Variants in ZNF563 observed in about 807,000 individuals in gnomAD.
ZNF563 encodes zinc finger protein 563.
ZNF563 carries 39 observed loss-of-function variants against 48.5 expected under a neutral mutation model. The ratio of observed to expected loss-of-function variants is 0.80; its 90% CI spans 0.62 to 1.05. ZNF563 has a LOEUF of 1.05. Ranked by LOEUF, ZNF563 falls within the 50% of genes least tolerant of loss-of-function variation. The pLI, the probability that ZNF563 is intolerant of heterozygous loss-of-function variation, is 0.00. For missense variants in ZNF563, 538 were observed against 597.0 expected, an observed-to-expected ratio of 0.90 and a Z score of 1.03; for synonymous variants, 168 against 187.9, an observed-to-expected ratio of 0.89 and a Z score of 0.87.
intron 1 of ZNF563, among the ~76,000 whole-genome samples, chr19:12,325,469 C>CA (rs36079909): frequency 0.35 from 28,916 of 82,984 alleles, 3,856 homozygotes; most frequent in Middle Eastern, 0.38. Flanking sequence ...GACTCCATCT[C>CA]AAAAAAAAAA....
At position 12,319,483 on chromosome 19, in the gene ZNF563, C is replaced by G; in HGVS notation, c.542G>C (p.Arg181Pro). The part of the protein sequence containing the change: ...CKECGKTFSS[R>P]RNLRRHMVVQ... ...TACCATGTGTCTTCGAAGGTTTCTA[C>G]GAGAACTGAAGGTTTTTCCACATTC... is the stretch of plus-strand genomic sequence containing the variant. Residue 181 changes from arginine (R) to proline (P), a missense_variant, in exon 4 of 4, where the codon CGT becomes CCT. Transcript: ENST00000293725. 6.2e-7 allele frequency: 1 copy of G among 1,614,176 alleles called. No individual in the cohort carries two copies. The highest frequency in any genetic ancestry group is 8.5e-7 in the Non-Finnish European group (1 of 1,180,036).
intron 1 of ZNF563, among the ~76,000 whole-genome samples, chr19:12,328,044 T>G (rs1312142550): frequency 6.6e-6 from 1 of 152,258 alleles, no homozygotes; most frequent in African/African-American, 2.4e-5. Flanking sequence ...TCAATAGCAC[T>G]ATTAATCAGC....
rs774479183 is a variant in ZNF563 at position 12,333,470 on chromosome 19, GCA to G, written c.3+8_3+9del. The G allele has an allele frequency of 2.5e-6, 4 of 1,613,306 alleles. No individual in the cohort carries two copies. The East Asian group carries it at 8.9e-5, about 36-fold the overall frequency. On this transcript the variant is annotated splice_region_variant and intron_variant, in intron 1 of 3. Coordinates refer to ENST00000293725, the MANE Select transcript of ZNF563 (RefSeq NM_145276.3). ...TCCCACTTTTGGGACGCCTGACCCT[GCA>G]CACGCACCATTTCCCGGCTTCCGGG...
the ZNF563 span, among the ~76,000 whole-genome samples, chr19:12,340,639 T>G: frequency 6.6e-6 from 1 of 151,958 alleles, no homozygotes; most frequent in Admixed American, 6.6e-5. Flanking sequence ...TAGCCAGGCG[T>G]GGTGGCGCAA....
chr19:12,336,889 A>G (rs1348849338), upstream of ZNF563, among the ~76,000 whole-genome samples: 1 of 152,218 alleles, frequency 6.6e-6, no homozygotes, highest in Non-Finnish European at 1.5e-5. Flanking sequence ...TAAGTATTGT[A>G]CAAATACATT....
intron 1 of ZNF563, among the ~76,000 whole-genome samples, chr19:12,326,537 A>G (rs1282016549): frequency 6.6e-6 from 1 of 151,952 alleles, no homozygotes; most frequent in Non-Finnish European, 1.5e-5. Flanking sequence ...CCAGTTACTC[A>G]GGAGGCTGAG....
At chr19:12,320,159 A>ACC (rs567511505) in intron 3 of ZNF563, among the ~76,000 whole-genome samples, 4 of 151,112 alleles carry the variant, frequency 2.6e-5, no homozygotes, top group African/African-American at 4.9e-5. Context: ...CTCGTGATCC[A>ACC]CCCCCCCTTG....
Position 12,333,513 on chromosome 19 carries a change from C to G in ZNF563, c.-31G>C, listed in dbSNP as rs1324970614. On this transcript the variant is annotated 5_prime_UTR_variant, in exon 1 of 4. Transcript: ENST00000293725. ...GGCTTCCGGGATGTTCCAGGGTCCT[C>G]CCTCTGCCTCCCGCTGCCAGTGCGG... 1.2e-6 allele frequency: 2 copies of G among 1,613,276 alleles called. No individual in the cohort carries two copies. Among genetic ancestry groups the G allele is most frequent in the Non-Finnish European group, 1.7e-6 (2 of 1,179,632 alleles).
At chr19:12,330,893 G>C (rs1968902748) in intron 1 of ZNF563, among the ~76,000 whole-genome samples, 1 of 152,088 alleles carries the variant, frequency 6.6e-6, no homozygotes, top group African/African-American at 2.4e-5. Context: ...TAGTCATCAT[G>C]GAAGAAAGTT....
chr19:12,321,384 A>G (rs774124562), intron 2 of ZNF563, 52 bp from the exon 3 acceptor site: 20 of 1,225,406 alleles, frequency 1.6e-5, no homozygotes, highest in Non-Finnish European at 2.2e-5. Context: ...ATTATATAAA[A>G]CAGTAAGATT....
upstream of ZNF563, among the ~76,000 whole-genome samples, chr19:12,334,061 G>C (rs1286780513): frequency 6.6e-6 from 1 of 152,194 alleles, no homozygotes; most frequent in East Asian, 1.9e-4. Context: ...GGCCACACAG[G>C]CCACACTGCA....
intron 1 of ZNF563, among the ~76,000 whole-genome samples, chr19:12,324,280 G>T (rs1308113597): frequency 6.6e-6 from 1 of 151,908 alleles, no homozygotes; most frequent in Non-Finnish European, 1.5e-5. Flanking sequence ...GATCACCTGA[G>T]CCCAGGATGT....
intron 1 of ZNF563, among the ~76,000 whole-genome samples, chr19:12,323,763 CAT>C (rs758267832): frequency 3.9e-5 from 6 of 152,200 alleles, no homozygotes; most frequent in Non-Finnish European, 8.8e-5. Flanking sequence ...TAAAATTTCA[CAT>C]GTTTTTTTGC....
chr19:12,338,851 TCAAAACAAAACAAAA>T, the ZNF563 span, among the ~76,000 whole-genome samples: 7 of 151,650 alleles, frequency 4.6e-5, no homozygotes, highest in East Asian at 5.9e-4. Flanking sequence ...AGACTCCATC[TCAAAACAAAACAAAA>T]CAAAACAAAA....
chr19:12,330,171 C>T (rs1294493367), intron 1 of ZNF563, among the ~76,000 whole-genome samples: 3 of 152,128 alleles, frequency 2.0e-5, no homozygotes, highest in African/African-American at 4.8e-5. Flanking sequence ...CCATACACCT[C>T]GGCCTCCCAA....
chr19:12,337,406 G>A (rs996857221), upstream of ZNF563, among the ~76,000 whole-genome samples: 23 of 152,088 alleles, frequency 1.5e-4, no homozygotes, highest in Non-Finnish European at 2.8e-4. Context: ...GTTTCACCAC[G>A]TTGGCCAGGC....
the ZNF563 span, among the ~76,000 whole-genome samples, chr19:12,344,252 G>A: frequency 2.0e-5 from 3 of 151,652 alleles, no homozygotes; most frequent in African/African-American, 7.3e-5. Flanking sequence ...AATTAGTTGG[G>A]TGTGGTGGCA....
intron 3 of ZNF563, 118 bp downstream of exon 3, chr19:12,321,154 T>C: frequency 1.4e-6 from 1 of 731,664 alleles, no homozygotes; most frequent in Non-Finnish European, 2.1e-6. Flanking sequence ...AAAAAGTTAA[T>C]TTAAAAAATT....
At chr19:12,340,620 T>A in the ZNF563 span, among the ~76,000 whole-genome samples, 5 of 151,474 alleles carry the variant, frequency 3.3e-5, no homozygotes, top group African/African-American at 1.2e-4. Flanking sequence ...CTGAAAAAAA[T>A]ACAAAAATTA....
Sources: allele counts gnomAD v4.1 joint callset (sites outside exome capture counted in the v4.1 genomes callset), GRCh38; gene constraint gnomAD v4.1.1; transcripts MANE v1.5; gene names NCBI Gene and HGNC (gene_info 2026-07-23, HGNC 2026-07-21).